CYTH1: variants seen among roughly 807,000 people sequenced by gnomAD.
CYTH1 encodes the protein cytohesin 1.
CYTH1 carries 18 observed loss-of-function variants against 61.8 expected under a neutral mutation model. The ratio of observed to expected loss-of-function variants is 0.29; its 90% CI spans 0.20 to 0.43. CYTH1 has a LOEUF of 0.43. Among genes scored for constraint, CYTH1 ranks in the 20% least tolerant of loss-of-function variants. CYTH1 has a pLI of 1.00. For synonymous variants in CYTH1, 174 were observed against 184.3 expected (o/e 0.94, Z 0.45); for missense variants, 336 against 510.5 (o/e 0.66, Z 3.29).
chr17:78,699,300 C>G (rs1043553070), intron 7 of CYTH1, among the ~76,000 whole-genome samples: 1 of 151,472 alleles, frequency 6.6e-6, no homozygotes, highest in Non-Finnish European at 1.5e-5. Flanking sequence ...GGAGGCAGAG[C>G]TTGCAGTGAG....
At chr17:78,705,467 A>AG (rs1325232173) in intron 3 of CYTH1, among the ~76,000 whole-genome samples, 6 of 152,206 alleles carry the variant, frequency 3.9e-5, no homozygotes, top group African/African-American at 1.4e-4. Context: ...GGATCGCCTT[A>AG]GTTAACTGAC....
intron 1 of CYTH1, among the ~76,000 whole-genome samples, chr17:78,721,597 G>T (rs139206125): frequency 6.6e-6 from 1 of 152,282 alleles, no homozygotes; most frequent in African/African-American, 2.4e-5. Context: ...TGTTGGAGCC[G>T]TCTCATCTGA....
chr17:78,704,000 G>A (rs1357706355), intron 3 of CYTH1, among the ~76,000 whole-genome samples: 2 of 152,190 alleles, frequency 1.3e-5, no homozygotes, highest in Admixed American at 6.5e-5. Flanking sequence ...TTTTTAAGAA[G>A]TTGCTAAATA....
Position 78,675,941 on chromosome 17 carries a change from A to C in CYTH1, c.*150T>G. The C allele has an allele frequency of 6.5e-7, 1 of 1,547,332 alleles. No homozygotes were observed. Among genetic ancestry groups the C allele is most frequent in the Non-Finnish European group, 8.7e-7 (1 of 1,145,292 alleles). ...TAACTGCCCACCCTTCTCCCACTTA[A>C]AAAAAATAGCAAAAGCTGAAGCTAG... On this transcript the variant is annotated 3_prime_UTR_variant, in exon 14 of 14. Coordinates refer to ENST00000446868, the MANE Select transcript of CYTH1 (RefSeq NM_004762.6).
chr17:78,761,475 A>G (rs1474128414), intron 1 of CYTH1, among the ~76,000 whole-genome samples: 2 of 152,346 alleles, frequency 1.3e-5, no homozygotes, highest in Non-Finnish European at 2.9e-5. Context: ...GCGGTGGCTC[A>G]CGCCTGTAAT....
At chr17:78,771,269 A>G (rs187987195) in intron 1 of CYTH1, among the ~76,000 whole-genome samples, 3 of 152,238 alleles carry the variant, frequency 2.0e-5, no homozygotes, top group Admixed American at 1.3e-4. Context: ...CTGAAAAATA[A>G]AATAAAATAA....
chr17:78,737,788 A>G (rs574601821), intron 1 of CYTH1, among the ~76,000 whole-genome samples: 1 of 152,166 alleles, frequency 6.6e-6, no homozygotes, highest in Admixed American at 6.5e-5. Context: ...TCCTATCACC[A>G]AGAGATAGCC....
In CYTH1 at chr17:78,782,219, TC is replaced by T; in HGVS notation, c.4del (p.Glu2ArgfsTer11). On this transcript the variant is annotated frameshift_variant, in exon 1 of 14. Coordinates refer to ENST00000446868, the MANE Select transcript of CYTH1 (RefSeq NM_004762.6). LOFTEE classifies it high-confidence loss of function. ...GCACTGACCGTAGCTGTCGTCCTCC[TC>T]CATGGTGCGGGAGCCGGGCTCCGCG... M[E>X]EDDSYVPSDL... 1 of 1,354,374 alleles carries T rather than the reference TC, an allele frequency of 7.4e-7. No individual in the cohort carries two copies. The highest frequency in any genetic ancestry group is 9.6e-7 in the Non-Finnish European group (1 of 1,038,056). 83.9% of individuals were successfully genotyped at this position (1,354,374 alleles called of 1,614,324 possible). A position where few individuals can be genotyped will look rare whatever the true frequency, so the allele number is the denominator to read the frequency against.
intron 1 of CYTH1, among the ~76,000 whole-genome samples, chr17:78,768,712 C>G (rs1036009688): frequency 1.3e-5 from 2 of 152,098 alleles, no homozygotes; most frequent in Admixed American, 1.3e-4. Flanking sequence ...TCCAAAAATT[C>G]CTTAAGGGTC....
intron 1 of CYTH1, among the ~76,000 whole-genome samples, chr17:78,774,947 C>G (rs1446557747): frequency 1.3e-5 from 2 of 152,222 alleles, no homozygotes; most frequent in East Asian, 3.9e-4. Context: ...AAGTACCCAC[C>G]AGGGCATTCG....
At chr17:78,755,198 C>CA (rs2093395692) in intron 1 of CYTH1, among the ~76,000 whole-genome samples, 1 of 152,154 alleles carries the variant, frequency 6.6e-6, no homozygotes, top group Non-Finnish European at 1.5e-5. Flanking sequence ...TGTTTTGAGA[C>CA]AGAGTCTAGC....
At chr17:78,692,852 A>G (rs1042188435) in intron 10 of CYTH1, among the ~76,000 whole-genome samples, 1 of 152,100 alleles carries the variant, frequency 6.6e-6, no homozygotes, top group African/African-American at 2.4e-5. Flanking sequence ...CAAAGAACAG[A>G]AAAAGAGGGA....
At chr17:78,714,216 A>G (rs1258572399) in intron 1 of CYTH1, among the ~76,000 whole-genome samples, 1 of 152,112 alleles carries the variant, frequency 6.6e-6, no homozygotes, top group African/African-American at 2.4e-5. Context: ...CTTGAACCCC[A>G]GAGGTGGAGG....
chr17:78,766,320 C>T (rs2093448623), intron 1 of CYTH1, among the ~76,000 whole-genome samples: 2 of 152,124 alleles, frequency 1.3e-5, no homozygotes, highest in African/African-American at 4.8e-5. Context: ...CTGAAAATGG[C>T]TGAGAGACAA....
chr17:78,778,297 C>CA (rs869247023), intron 1 of CYTH1, among the ~76,000 whole-genome samples: 1,036 of 63,398 alleles, frequency 0.016, 6 homozygotes, highest in Non-Finnish European at 0.023. Flanking sequence ...AAGACTGTCT[C>CA]AAAAAAAAAA....
At chr17:78,779,500 G>A (rs942629742) in intron 1 of CYTH1, among the ~76,000 whole-genome samples, 4 of 151,938 alleles carry the variant, frequency 2.6e-5, no homozygotes, top group African/African-American at 9.7e-5. Context: ...AAAGAAGTCC[G>A]GGTACTAATC....
intron 1 of CYTH1, among the ~76,000 whole-genome samples, chr17:78,760,536 C>CATATATATGTAT (rs1207602482): frequency 2.4e-5 from 1 of 42,180 alleles, no homozygotes; most frequent in African/African-American, 1.0e-4. Flanking sequence ...TATATACATA[C>CATATATATGTAT]ATATATATGT....
chr17:78,702,327 G>T, intron 4 of CYTH1, 87 bp from the exon 5 acceptor site: 1 of 1,148,464 alleles, frequency 8.7e-7, no homozygotes, highest in Non-Finnish European at 1.3e-6. Flanking sequence ...AAATGGGTGT[G>T]GGTGCACTGG....
At chr17:78,782,138 G>A (rs2093521446) in intron 1 of CYTH1, 64 bp downstream of exon 1, 6 of 1,237,084 alleles carry the variant, frequency 4.9e-6, no homozygotes, top group East Asian at 3.5e-5. Context: ...GCTGCCGGAC[G>A]GCCGGGCCCG....
Sources: allele counts gnomAD v4.1 joint callset (sites outside exome capture counted in the v4.1 genomes callset), GRCh38; gene constraint gnomAD v4.1.1; transcripts MANE v1.5; gene names NCBI Gene and HGNC (gene_info 2026-07-23, HGNC 2026-07-21).